The following CAPN8 variants were observed in gnomAD, a reference collection of about 807,000 sequenced individuals.
CAPN8 encodes the protein calpain 8.
CAPN8 carries 87 observed loss-of-function variants against 80.9 expected under a neutral mutation model. That is an observed-to-expected ratio of 1.07 (90% CI 0.90 to 1.28). The LOEUF is 1.28. CAPN8 is among the 50% of genes most tolerant of loss of function. The pLI is 0.00. For synonymous variants in CAPN8, 299 were observed against 273.8 expected, an observed-to-expected ratio of 1.09 and a Z score of -0.91; for missense variants, 757 against 702.0, an observed-to-expected ratio of 1.08 and a Z score of -0.89.
At chr1:223,643,017 T>C (rs942736985) in intron 2 of CAPN8, among the ~76,000 whole-genome samples, 5 of 152,028 alleles carry the variant, frequency 3.3e-5, no homozygotes, top group Admixed American at 3.3e-4. Flanking sequence ...ATTTGAGGCT[T>C]ATGTAAACAC....
At chr1:223,544,207 C>T (rs1025095762) in intron 18 of CAPN8, 24 bp from the exon 19 acceptor site, 1 of 716,624 alleles carries the variant, frequency 1.4e-6, no homozygotes, top group African/African-American at 1.7e-5. Context: ...GAGCCTGGGT[C>T]ACAGGTAGAG....
rs142782844 is a variant in CAPN8, at chr1:223,631,089, T to A, written c.308-2309A>T. Among the ~76,000 whole-genome samples, 7 of 152,280 alleles carry A rather than the reference T, an allele frequency of 4.6e-5. No homozygotes were observed. In the East Asian group the frequency reaches 1.4e-3, roughly 29 times the overall value. On this transcript the variant is annotated intron_variant, in intron 2 of 20. Coordinates refer to ENST00000366872, the MANE Select transcript of CAPN8 (RefSeq NM_001143962.2). ...TTCCTATTACACTCTCCGCTATGAA[T>A]CTAATCTCCCAATCGAACTTGGATA...
rs984939440 is a variant in CAPN8 at position 223,613,911 on chromosome 1, T to C, written c.1312-1654A>G. On this transcript the variant is annotated intron_variant, in intron 10 of 20. Transcript: ENST00000366872. ...TTTAAACTGTTTTCACTTATGGATG[T>C]CATGCTCTAAATTATATGCCTGTGG... is the stretch of plus-strand genomic sequence containing the variant. 5.3e-5 allele frequency among the ~76,000 whole-genome samples: 8 copies of C among 152,254 alleles called. 1 individual carries two copies. Among genetic ancestry groups the C allele is most frequent in the African/African-American group, 1.9e-4 (8 of 41,456 alleles).
chr1:223,662,183 C>T (rs972937041), intron 1 of CAPN8, among the ~76,000 whole-genome samples: 2 of 152,144 alleles, frequency 1.3e-5, no homozygotes, highest in Admixed American at 6.6e-5. Flanking sequence ...CGCAGTGGCT[C>T]ACACCTGTAA....
At chr1:223,543,085 T>TAC in intron 20 of CAPN8, 23 bp downstream of exon 20, 1 of 1,551,182 alleles carries the variant, frequency 6.4e-7, no homozygotes, top group Non-Finnish European at 8.7e-7. Context: ...AGCCAGCAAT[T>TAC]CATCAAACCT....
At chr1:223,630,774 C>T (rs1018128155) in intron 2 of CAPN8, among the ~76,000 whole-genome samples, 4 of 152,124 alleles carry the variant, frequency 2.6e-5, no homozygotes, top group Non-Finnish European at 4.4e-5. Context: ...ACCTGGTAGT[C>T]GAGGGAAACA....
At position 223,619,379 on chromosome 1, in the gene CAPN8, C is replaced by T; in HGVS notation, c.1049G>A (p.Ser350Asn). The change falls in exon 9 of 21, where the codon AGC becomes AAC. Residue 350 changes from serine to asparagine, a missense_variant. Ser to Asn is a conservative substitution (Grantham distance 46, BLOSUM62 1). Transcript: ENST00000366872. ...CAGGTTCCATTTGTGCACCTCCTCG[C>T]TACTCAGAGAGTCCGGGGACAGGTT... Reference protein sequence around the residue: ...ICNLSPDSLSSEEVHKWNLVL... With the variant: ...ICNLSPDSLSNEEVHKWNLVL... 1 of 1,551,686 alleles carries T rather than the reference C, an allele frequency of 6.4e-7. No individual in the cohort carries two copies. Among genetic ancestry groups the T allele is most frequent in the Non-Finnish European group, 8.7e-7 (1 of 1,147,000 alleles).
chr1:223,618,489 A>G (rs1325831713), intron 9 of CAPN8, among the ~76,000 whole-genome samples: 1 of 152,202 alleles, frequency 6.6e-6, no homozygotes, highest in Non-Finnish European at 1.5e-5. Context: ...GCACAAACAC[A>G]CAGTGAAACA....
chr1:223,619,533 A>C (rs1657315992), intron 8 of CAPN8, 80 bp from the exon 9 acceptor site: 2 of 1,481,224 alleles, frequency 1.4e-6, no homozygotes, highest in South Asian at 2.5e-5. Flanking sequence ...CACGGGAAGG[A>C]GCCCTGTGGC....
At chr1:223,646,048 G>T (rs1658182843) in intron 2 of CAPN8, among the ~76,000 whole-genome samples, 1 of 152,170 alleles carries the variant, frequency 6.6e-6, no homozygotes, top group Admixed American at 6.5e-5. Context: ...ACTCTGTACA[G>T]GGAAGATCCA....
intron 2 of CAPN8, among the ~76,000 whole-genome samples, chr1:223,647,500 T>C (rs1408523386): frequency 6.6e-6 from 1 of 152,192 alleles, no homozygotes; most frequent in Non-Finnish European, 1.5e-5. Context: ...ACTTGCCTTA[T>C]TGCCTACCCT....
rs147119525 is a variant in CAPN8, at chr1:223,545,183, G to A, written c.1833+48C>T. The A allele has an allele frequency of 3.4e-4, 521 of 1,551,504 alleles. 2 individuals are homozygous for A. The African/African-American group carries it at 6.4e-3, about 19-fold the overall frequency. The stretch of plus-strand genomic sequence containing the variant: ...ACAATGGACCAGGAATGAGTGTAAG[G>A]GAGGATTAGAACAGAGGAGAGGATG... On this transcript the variant is annotated intron_variant, in intron 17 of 20. Transcript: ENST00000366872.
intron 2 of CAPN8, among the ~76,000 whole-genome samples, chr1:223,638,443 G>A (rs1242337967): frequency 1.3e-5 from 2 of 152,092 alleles, no homozygotes; most frequent in East Asian, 1.9e-4. Flanking sequence ...ACACATGACT[G>A]TATATGTAAC....
Position 223,618,131 on chromosome 1 carries a change from A to G in CAPN8, c.1135+1162T>C, listed in dbSNP as rs976961525. On this transcript the variant is annotated intron_variant, in intron 9 of 20. Coordinates refer to ENST00000366872, the MANE Select transcript of CAPN8 (RefSeq NM_001143962.2). ...TACAGTCTAAGTCAATCAACAGATC[A>G]ACAGCAAACCAGGCAGGGAACATGG... The G allele has an allele frequency of 1.8e-5, 22 of 1,233,626 alleles. No homozygotes were observed. In the African/African-American group the frequency reaches 2.8e-4, roughly 16 times the overall value. 76.4% of individuals were successfully genotyped at this position (1,233,626 alleles called of 1,614,324 possible). A position where few individuals can be genotyped will look rare whatever the true frequency, so the allele number is the denominator to read the frequency against.
At position 223,549,314 on chromosome 1, in the gene CAPN8, A is replaced by G; in HGVS notation, c.1764+4T>C. The G allele has an allele frequency of 6.4e-7, 1 of 1,551,298 alleles. No homozygotes were observed. ...AAAAAAATAATGCAACATTTAAAGG[A>G]TACATCCAACAGACTGATCATTTCC... On this transcript the variant is annotated splice_donor_region_variant and intron_variant, in intron 16 of 20. Coordinates refer to ENST00000366872, the MANE Select transcript of CAPN8 (RefSeq NM_001143962.2).
chr1:223,631,084 A>G (rs889499367), intron 2 of CAPN8, among the ~76,000 whole-genome samples: 1 of 152,106 alleles, frequency 6.6e-6, no homozygotes, highest in Non-Finnish European at 1.5e-5. Flanking sequence ...ACTCTCCGCT[A>G]TGAATCTAAT....
At chr1:223,664,809 C>T (rs540995979) in intron 1 of CAPN8, among the ~76,000 whole-genome samples, 7 of 152,260 alleles carry the variant, frequency 4.6e-5, no homozygotes, top group South Asian at 2.1e-4. Flanking sequence ...TGTGGTGGCA[C>T]GTGCCTATAA....
intron 10 of CAPN8, among the ~76,000 whole-genome samples, chr1:223,612,654 C>T (rs1018222986): frequency 5.9e-5 from 9 of 152,100 alleles, no homozygotes; most frequent in Non-Finnish European, 1.0e-4. Context: ...TCTCACTCAA[C>T]CTGAGCCATA....
At chr1:223,550,185 A>G (rs557415149) in intron 15 of CAPN8, among the ~76,000 whole-genome samples, 1 of 152,260 alleles carries the variant, frequency 6.6e-6, no homozygotes, top group Admixed American at 6.5e-5. Flanking sequence ...CCACTCTTCA[A>G]CAACTGCAGG....
Sources: gnomAD v4.1 joint callset for allele counts (sites outside exome capture counted in the v4.1 genomes callset) on GRCh38, gnomAD v4.1.1 for gene constraint, MANE v1.5 for transcripts, NCBI Gene and HGNC (gene_info 2026-07-23, HGNC 2026-07-21) for gene names.